The following FAM81A variants were observed in gnomAD, a reference collection of about 807,000 sequenced individuals.
The protein encoded by FAM81A is family with sequence similarity 81 member A, also known as protein FAM81A.
FAM81A carries 19 observed loss-of-function variants against 46.7 expected under a neutral mutation model. That is an observed-to-expected ratio of 0.41 (90% confidence interval 0.28 to 0.60). FAM81A has a LOEUF of 0.60. Among genes scored for constraint, FAM81A ranks in the 20% least tolerant of loss-of-function variants. The pLI is 0.34. For synonymous variants in FAM81A, 183 were observed against 152.9 expected (o/e 1.20, Z -1.45); for missense variants, 377 against 453.5 (o/e 0.83, Z 1.53).
chr15:59,458,585 C>T lies in FAM81A; in HGVS notation c.-42C>T, dbSNP rs1237552244. On this transcript the variant is annotated 5_prime_UTR_variant, in exon 2 of 9. Coordinates refer to ENST00000288228, the MANE Select transcript of FAM81A (RefSeq NM_152450.3). ...TTAAAAAGAAAATGGCCCAACGGAG[C>T]ACTGTATTTCCTTCTCGTGTCACCA... 1 of 1,613,560 alleles carries T rather than the reference C, an allele frequency of 6.2e-7. No individual in the cohort carries two copies. The highest frequency in any genetic ancestry group is 1.7e-5 in the Admixed American group (1 of 59,958).
intron 2 of FAM81A, among the ~76,000 whole-genome samples, chr15:59,417,478 G>A (rs541139823): frequency 4.0e-4 from 60 of 151,780 alleles, no homozygotes; most frequent in South Asian, 8.3e-4. Context: ...GGCCGTGGTG[G>A]ACAGGTCACT....
intron 2 of FAM81A, among the ~76,000 whole-genome samples, chr15:59,431,232 T>C (rs2081218494): frequency 1.3e-5 from 2 of 151,994 alleles, no homozygotes; most frequent in African/African-American, 4.8e-5. Context: ...TTTGCTATTA[T>C]CTTTTTTTTT....
intron 2 of FAM81A, among the ~76,000 whole-genome samples, chr15:59,403,241 A>G (rs1324975977): frequency 1.3e-5 from 2 of 151,430 alleles, no homozygotes; most frequent in African/African-American, 4.9e-5. Context: ...CCACATTCAT[A>G]TGTTGAAGCC....
intron 1 of FAM81A, among the ~76,000 whole-genome samples, chr15:59,448,816 G>A (rs2081379979): frequency 6.6e-6 from 1 of 151,946 alleles, no homozygotes; most frequent in Admixed American, 6.6e-5. Flanking sequence ...ACCATGCCTG[G>A]CTAATTTATT....
chr15:59,489,280 TAC>T, intron 3 of FAM81A, among the ~76,000 whole-genome samples: 1 of 149,260 alleles, frequency 6.7e-6, no homozygotes. Context: ...CATACATACA[TAC>T]ATACATACAT....
chr15:59,510,127 A>C (rs1033046792), intron 6 of FAM81A, among the ~76,000 whole-genome samples: 9 of 152,196 alleles, frequency 5.9e-5, no homozygotes, highest in Non-Finnish European at 1.2e-4. Context: ...GCACTCTGGG[A>C]GGCCAAGGCA....
chr15:59,505,207 G>C (rs1006207987), intron 4 of FAM81A, among the ~76,000 whole-genome samples: 9 of 151,956 alleles, frequency 5.9e-5, no homozygotes, highest in African/African-American at 1.9e-4. Flanking sequence ...CTTCAACTAT[G>C]TCTAGTCTAG....
intron 3 of FAM81A, among the ~76,000 whole-genome samples, chr15:59,477,699 A>G (rs191552948): frequency 6.4e-4 from 97 of 152,324 alleles, no homozygotes; most frequent in Non-Finnish European, 6.8e-4. Flanking sequence ...TTTCATAATC[A>G]AGAGCTCTGG....
rs543584862 is a variant in FAM81A at position 59,459,243 on chromosome 15, T to C, written c.20+597T>C. Among the ~76,000 whole-genome samples, 11 of 152,286 alleles carry C rather than the reference T, an allele frequency of 7.2e-5. No individual in the cohort carries two copies. The East Asian group carries it at 2.1e-3, about 29-fold the overall frequency. On this transcript the variant is annotated intron_variant, in intron 2 of 8. Coordinates refer to ENST00000288228, the MANE Select transcript of FAM81A (RefSeq NM_152450.3). ...TTAAACTCCTGGGCTCAAGCAGTCC[T>C]CCCACCTCAGCCACCCAAAGTGTTG...
chr15:59,447,179 C>G (rs951980581), intron 1 of FAM81A, among the ~76,000 whole-genome samples: 1 of 152,178 alleles, frequency 6.6e-6, no homozygotes, highest in East Asian at 1.9e-4. Context: ...GAATCCTTGC[C>G]TCACCCTCTC....
In FAM81A at chr15:59,523,429, C is replaced by T. The variant is rs1271567174; in HGVS notation, c.*2051C>T. On this transcript the variant is annotated 3_prime_UTR_variant, in exon 9 of 9. Transcript: ENST00000288228. ...GCCTCCGCGTGTTTGGGTGTGCAGC[C>T]GAGGTGGTGAGCTGTCGAGCCACAG... 6 of 152,154 alleles carry T rather than the reference C, an allele frequency of 3.9e-5. No individual in the cohort carries two copies. The highest frequency in any genetic ancestry group is 1.4e-4 in the African/African-American group (6 of 41,420). 9.4% of individuals were successfully genotyped at this position (152,154 alleles called of 1,614,324 possible).
chr15:59,428,675 G>C (rs1226706383), intron 2 of FAM81A, among the ~76,000 whole-genome samples: 1 of 127,754 alleles, frequency 7.8e-6, no homozygotes, highest in Non-Finnish European at 1.6e-5. Flanking sequence ...CTGTCACCCA[G>C]GGTGGAATGC....
intron 3 of FAM81A, among the ~76,000 whole-genome samples, chr15:59,476,313 C>T (rs1021980020): frequency 2.0e-5 from 3 of 150,236 alleles, no homozygotes; most frequent in Non-Finnish European, 3.0e-5. Context: ...GCCTCAACCT[C>T]CTGGGCTCAA....
chr15:59,443,246 C>G (rs1178943931), intron 1 of FAM81A, among the ~76,000 whole-genome samples: 1 of 152,138 alleles, frequency 6.6e-6, no homozygotes, highest in Non-Finnish European at 1.5e-5. Context: ...TCATGCCTGG[C>G]TAACTTTTGT....
chr15:59,448,432 C>CT (rs2081375194), intron 1 of FAM81A, among the ~76,000 whole-genome samples: 1 of 152,130 alleles, frequency 6.6e-6, no homozygotes, highest in Non-Finnish European at 1.5e-5. Context: ...TTTGCACCAT[C>CT]TAAACTGTGG....
At chr15:59,428,021 C>A (rs1213909491) in intron 2 of FAM81A, among the ~76,000 whole-genome samples, 1 of 152,158 alleles carries the variant, frequency 6.6e-6, no homozygotes, top group African/African-American at 2.4e-5. Context: ...ACATTTCTAC[C>A]AACAGTGTAC....
At chr15:59,461,219 A>G (rs544894699) in intron 3 of FAM81A, among the ~76,000 whole-genome samples, 1 of 152,214 alleles carries the variant, frequency 6.6e-6, no homozygotes, top group Non-Finnish European at 1.5e-5. Flanking sequence ...ATCTCTAGAA[A>G]TTGGTCTTTT....
At chr15:59,456,435 C>T (rs1596485189) in intron 1 of FAM81A, among the ~76,000 whole-genome samples, 1 of 152,106 alleles carries the variant, frequency 6.6e-6, no homozygotes, top group Non-Finnish European at 1.5e-5. Context: ...GTGGAACAAT[C>T]TCTCCATCCC....
chr15:59,453,472 T>C lies in FAM81A; in HGVS notation c.-77-5078T>C, dbSNP rs76712138. Among the ~76,000 whole-genome samples, 239 of 152,268 alleles carry C rather than the reference T, an allele frequency of 1.6e-3. 2 individuals are homozygous for C. Among genetic ancestry groups the C allele is most frequent in the African/African-American group, 5.0e-3 (209 of 41,554 alleles). ...ACGTTACGTGTGAGCAGCTGTTAGT[T>C]ATGTGACCCCCAACTCAACCAACTA... On this transcript the variant is annotated intron_variant, in intron 1 of 8. Coordinates refer to ENST00000288228, the MANE Select transcript of FAM81A (RefSeq NM_152450.3).
Sources: gnomAD v4.1 joint callset for allele counts (sites outside exome capture counted in the v4.1 genomes callset) on GRCh38, gnomAD v4.1.1 for gene constraint, MANE v1.5 for transcripts, NCBI Gene and HGNC (gene_info 2026-07-23, HGNC 2026-07-21) for gene names.